Variants in MB21D2 observed in about 807,000 individuals in gnomAD.
The protein encoded by MB21D2 is nucleotidyltransferase MB21D2.
In MB21D2, 9 loss-of-function variants were observed where a neutral mutation model predicts 33.3. The ratio of observed to expected loss-of-function variants is 0.27; its 90% CI spans 0.16 to 0.47. MB21D2 has a LOEUF of 0.47. Among genes scored for constraint, MB21D2 ranks in the 20% least tolerant of loss-of-function variants. The probability of loss-of-function intolerance (pLI) is 0.99; values close to 1 mark genes in which losing one functional copy is unlikely to be tolerated. For missense variants in MB21D2, 540 were observed against 624.6 expected (o/e 0.86, Z 1.44); for synonymous variants, 241 against 236.3 (o/e 1.02, Z -0.18).
At chr3:192,881,061 T>C (rs1433048062) in intron 1 of MB21D2, among the ~76,000 whole-genome samples, 1 of 152,100 alleles carries the variant, frequency 6.6e-6, no homozygotes, top group African/African-American at 2.4e-5. Flanking sequence ...GTTCCAAAAA[T>C]TGTTCACAGT....
intron 1 of MB21D2, among the ~76,000 whole-genome samples, chr3:192,908,364 T>C (rs1714256168): frequency 6.6e-6 from 1 of 151,468 alleles, no homozygotes; most frequent in Admixed American, 6.6e-5. Flanking sequence ...AGGGACCAGG[T>C]ATTAGGAGGA....
Position 192,799,744 on chromosome 3 carries a change from C to A in MB21D2, c.212-94G>T. 1 of 1,326,768 alleles carries A rather than the reference C, an allele frequency of 7.5e-7. No individual in the cohort carries two copies. Among genetic ancestry groups the A allele is most frequent in the Non-Finnish European group, 1.0e-6 (1 of 991,438 alleles). 82.2% of individuals were successfully genotyped at this position (1,326,768 alleles called of 1,614,324 possible). On this transcript the variant is annotated intron_variant, in intron 1 of 1. Coordinates refer to ENST00000392452, the MANE Select transcript of MB21D2 (RefSeq NM_178496.4). The surrounding 1 kb of genome is among the most constrained non-coding windows in gnomAD (Gnocchi z 4.1). Reference sequence around the variant, plus strand: ...CAGAATGCTCTGATGTTCCAAGAACCAAAACTCATTATCAGTACTAAATCA... The same window carrying A: ...CAGAATGCTCTGATGTTCCAAGAACAAAAACTCATTATCAGTACTAAATCA...
At chr3:192,901,985 T>A (rs1227921906) in intron 1 of MB21D2, among the ~76,000 whole-genome samples, 1 of 152,228 alleles carries the variant, frequency 6.6e-6, no homozygotes, top group African/African-American at 2.4e-5. Context: ...CCTTTATACC[T>A]CTTTAAATCA....
chr3:192,849,611 C>T (rs941623406), intron 1 of MB21D2, among the ~76,000 whole-genome samples: 10 of 152,152 alleles, frequency 6.6e-5, no homozygotes, highest in Non-Finnish European at 1.3e-4. Context: ...ACACCACACT[C>T]GGCTGTCACC....
At chr3:192,835,455 CA>C (rs34280688) in intron 1 of MB21D2, among the ~76,000 whole-genome samples, 1,002 of 61,108 alleles carry the variant, frequency 0.016, 5 homozygotes, top group African/African-American at 0.05. Context: ...GACTCTGTCT[CA>C]AAAAAAAAAA....
intron 1 of MB21D2, among the ~76,000 whole-genome samples, chr3:192,829,272 T>G (rs892133081): frequency 2.7e-5 from 4 of 149,284 alleles, no homozygotes; most frequent in African/African-American, 5.2e-5. Context: ...TGACACAATT[T>G]ATTTATCCAT....
At chr3:192,803,835 T>TA (rs1325652872) in intron 1 of MB21D2, among the ~76,000 whole-genome samples, 7 of 152,202 alleles carry the variant, frequency 4.6e-5, no homozygotes, top group African/African-American at 1.7e-4. Flanking sequence ...GTTTAGCTGT[T>TA]AGATTATCCA....
At position 192,814,673 on chromosome 3, in the gene MB21D2, T is replaced by C. The variant is rs574134398; in HGVS notation, c.212-15023A>G. 8.8e-4 allele frequency among the ~76,000 whole-genome samples: 134 copies of C among 151,824 alleles called. 2 individuals are homozygous for C. Among genetic ancestry groups the C allele is most frequent in the Admixed American group, 2.3e-3 (35 of 15,264 alleles). ...GTCAGGAGATCGAGACCATCCTGGCTAACACGGTGAAACCCTGTCTCTACT... is the reference window on the plus strand; with the variant it reads ...GTCAGGAGATCGAGACCATCCTGGCCAACACGGTGAAACCCTGTCTCTACT... On this transcript the variant is annotated intron_variant, in intron 1 of 1. Transcript: ENST00000392452.
At chr3:192,902,086 C>A (rs1477924151) in intron 1 of MB21D2, among the ~76,000 whole-genome samples, 4 of 152,176 alleles carry the variant, frequency 2.6e-5, no homozygotes, top group African/African-American at 9.7e-5. Flanking sequence ...AACAAAATCA[C>A]AAGCATCAAA....
intron 1 of MB21D2, among the ~76,000 whole-genome samples, chr3:192,872,641 A>G (rs1435514747): frequency 6.6e-6 from 1 of 152,246 alleles, no homozygotes; most frequent in Non-Finnish European, 1.5e-5. Flanking sequence ...AGAGAAAAGA[A>G]TCATGGATGA....
At chr3:192,823,028 A>G (rs1306481120) in intron 1 of MB21D2, among the ~76,000 whole-genome samples, 1 of 152,232 alleles carries the variant, frequency 6.6e-6, no homozygotes, top group East Asian at 1.9e-4. Context: ...TACTAAACGG[A>G]TATGATAAAA....
intron 1 of MB21D2, among the ~76,000 whole-genome samples, chr3:192,853,191 C>G (rs1007851357): frequency 6.6e-6 from 1 of 152,162 alleles, no homozygotes; most frequent in African/African-American, 2.4e-5. Context: ...GTCTTTGAGA[C>G]CAACCACACC....
intron 1 of MB21D2, among the ~76,000 whole-genome samples, chr3:192,826,546 A>G (rs942390217): frequency 1.3e-5 from 2 of 152,188 alleles, no homozygotes; most frequent in African/African-American, 4.8e-5. Flanking sequence ...AAGATGGAAA[A>G]CCTACTTGTA....
intron 1 of MB21D2, among the ~76,000 whole-genome samples, chr3:192,917,405 G>A (rs536695603): frequency 1.3e-5 from 2 of 152,338 alleles, no homozygotes; most frequent in South Asian, 4.1e-4. Context: ...AGCGAACAGG[G>A]GGAAAGGGAG....
chr3:192,912,310 G>A (rs974058353), intron 1 of MB21D2, among the ~76,000 whole-genome samples: 2 of 152,178 alleles, frequency 1.3e-5, no homozygotes, highest in African/African-American at 4.8e-5. Flanking sequence ...CATTCATTAA[G>A]TATTTGTCAA....
chr3:192,857,397 T>A (rs1161920018), intron 1 of MB21D2, among the ~76,000 whole-genome samples: 2 of 152,156 alleles, frequency 1.3e-5, no homozygotes, highest in Non-Finnish European at 2.9e-5. Flanking sequence ...AAGGGAACAT[T>A]CAAAGTCAGC....
At chr3:192,891,203 C>T (rs1319089472) in intron 1 of MB21D2, among the ~76,000 whole-genome samples, 3 of 152,136 alleles carry the variant, frequency 2.0e-5, no homozygotes, top group Non-Finnish European at 2.9e-5. Context: ...TACAGATTTA[C>T]ATATGGTCAC....
At chr3:192,831,606 T>C (rs1022257785) in intron 1 of MB21D2, among the ~76,000 whole-genome samples, 1 of 152,158 alleles carries the variant, frequency 6.6e-6, no homozygotes, top group African/African-American at 2.4e-5. Flanking sequence ...CATCAAATCT[T>C]CAACACTTTT....
intron 1 of MB21D2, among the ~76,000 whole-genome samples, chr3:192,813,978 G>C (rs1004827869): frequency 6.6e-6 from 1 of 152,248 alleles, no homozygotes; most frequent in Admixed American, 6.5e-5. Context: ...CAATAACCAA[G>C]TGCTTAATAG....
Sources: allele counts gnomAD v4.1 joint callset (sites outside exome capture counted in the v4.1 genomes callset), GRCh38; gene constraint gnomAD v4.1.1; non-coding constraint Gnocchi (gnomAD v3.1); transcripts MANE v1.5; gene names NCBI Gene and HGNC (gene_info 2026-07-23, HGNC 2026-07-21).